Variants in PDE3A observed in about 807,000 individuals in gnomAD.
PDE3A encodes the protein cGMP-inhibited 3',5'-cyclic phosphodiesterase 3A.
In PDE3A, 43 loss-of-function variants were observed where a neutral mutation model predicts 98.3. That is an observed-to-expected ratio of 0.44 (90% CI 0.34 to 0.56). The LOEUF (loss-of-function observed/expected upper bound fraction) is 0.56. PDE3A is among the 20% of genes least tolerant of loss of function. The pLI, the probability that PDE3A is intolerant of heterozygous loss-of-function variation, is 0.01. For synonymous variants in PDE3A, 663 were observed against 567.9 expected (o/e 1.17, Z -2.38); for missense variants, 1,427 against 1,440.7 (o/e 0.99, Z 0.15).
At position 20,551,602 on chromosome 12, in the gene PDE3A, C is replaced by G. The variant is rs1472441463; in HGVS notation, c.961-5058C>G. The G allele has an allele frequency of 2.1e-5, 33 of 1,558,290 alleles. No homozygotes were observed. The Admixed American group carries it at 4.4e-4, about 21-fold the overall frequency. On this transcript the variant is annotated intron_variant, in intron 1 of 15. Transcript: ENST00000359062. ...CGCCTGCCACCTGTGCGGGGGCCGG[C>G]AGGACCCCGACAAGCAGCTCATGTG...
At chr12:20,673,728 T>A (rs1205600021) in intron 15 of PDE3A, among the ~76,000 whole-genome samples, 2 of 139,246 alleles carry the variant, frequency 1.4e-5, no homozygotes. Context: ...GGGATAGCAT[T>A]GGGAGATATA....
At chr12:20,623,674 GAAAGAATATATGATGGATA>G (rs1292755706) in intron 5 of PDE3A, among the ~76,000 whole-genome samples, 2 of 142,084 alleles carry the variant, frequency 1.4e-5, no homozygotes, top group African/African-American at 2.6e-5. Context: ...ATATATTCTA[GAAAGAATATATGATGGATA>G]TATTCTAGAA....
intron 2 of PDE3A, among the ~76,000 whole-genome samples, chr12:20,581,274 C>T (rs1400263915): frequency 1.3e-5 from 2 of 152,136 alleles, no homozygotes; most frequent in Non-Finnish European, 2.9e-5. Flanking sequence ...CTTATTGCCC[C>T]AAATTCTCAG....
intron 1 of PDE3A, among the ~76,000 whole-genome samples, chr12:20,532,845 C>T (rs1196591077): frequency 2.6e-5 from 4 of 152,142 alleles, no homozygotes; most frequent in African/African-American, 9.6e-5. Flanking sequence ...CCCGCCACTA[C>T]GCCCGGCTAA....
intron 2 of PDE3A, among the ~76,000 whole-genome samples, chr12:20,566,341 C>T (rs377390635): frequency 8.6e-5 from 13 of 151,970 alleles, no homozygotes; most frequent in African/African-American, 2.4e-4. Flanking sequence ...ATAGTTTGCT[C>T]GCTGAGTTCT....
At chr12:20,631,010 T>C (rs1944365254) in intron 6 of PDE3A, among the ~76,000 whole-genome samples, 1 of 152,158 alleles carries the variant, frequency 6.6e-6, no homozygotes, top group Non-Finnish European at 1.5e-5. Context: ...CTTTAAGAAA[T>C]AGCAACTTAT....
Position 20,370,404 on chromosome 12 carries a change from TTTTTG to T in PDE3A, c.960+165_960+169del, listed in dbSNP as rs1228708618. ...AAACTAGCAGGTTTTTTTTTTGTTT[TTTTTG>T]TTTTTTTTTTTTTGTTTTTTTGCCC... On this transcript the variant is annotated intron_variant, in intron 1 of 15. Coordinates refer to ENST00000359062, the MANE Select transcript of PDE3A (RefSeq NM_000921.5). 336 of 473,256 alleles carry T rather than the reference TTTTTG, an allele frequency of 7.1e-4. No individual in the cohort carries two copies. In the Middle Eastern group the frequency reaches 0.011, roughly 15 times the overall value. The allele number at this position is 473,256 out of a possible 1,614,324, so 29.3% of individuals were successfully genotyped here. A position where few individuals can be genotyped will look rare whatever the true frequency, so the allele number is the denominator to read the frequency against.
chr12:20,680,345 A>AGGCACAACATTTG lies in PDE3A; in HGVS notation c.*75_*76insGCACAACATTTGG, dbSNP rs1315155392. 1.4e-6 allele frequency: 2 copies of AGGCACAACATTTG among 1,470,286 alleles called. No individual in the cohort carries two copies. Among genetic ancestry groups the AGGCACAACATTTG allele is most frequent in the Non-Finnish European group, 1.9e-6 (2 of 1,071,438 alleles). 91.1% of individuals were successfully genotyped at this position (1,470,286 alleles called of 1,614,324 possible). A position where few individuals can be genotyped will look rare whatever the true frequency, so the allele number is the denominator to read the frequency against. ...CTCTCTTCAAGCCAGCACAACATTT[A>AGGCACAACATTTG]GACACAACACTGTAGAAATTTGAGA... is the stretch of plus-strand genomic sequence containing the variant. On this transcript the variant is annotated 3_prime_UTR_variant, in exon 16 of 16. Coordinates refer to ENST00000359062, the MANE Select transcript of PDE3A (RefSeq NM_000921.5).
chr12:20,635,752 C>CAAA (rs11454612), intron 8 of PDE3A, among the ~76,000 whole-genome samples: 7 of 84,034 alleles, frequency 8.3e-5, no homozygotes, highest in Admixed American at 1.4e-4. Flanking sequence ...CACTCTATCT[C>CAAA]AAAAAAAAAA....
At position 20,571,932 on chromosome 12, in the gene PDE3A, G is replaced by A. The variant is rs1193867481; in HGVS notation, c.1011+15222G>A. ...AAATGTTGAATCAATGAATGAGAGTGGGGCATAAAATGGGAAATTTGAGCA... is the reference window on the plus strand; with the variant it reads ...AAATGTTGAATCAATGAATGAGAGTAGGGCATAAAATGGGAAATTTGAGCA... On this transcript the variant is annotated intron_variant, in intron 2 of 15. Coordinates refer to ENST00000359062, the MANE Select transcript of PDE3A (RefSeq NM_000921.5). 5 of 1,066,018 alleles carry A rather than the reference G, an allele frequency of 4.7e-6. No homozygotes were observed. In the African/African-American group the frequency reaches 8.6e-5, roughly 18 times the overall value. The allele number at this position is 1,066,018 out of a possible 1,614,324, so 66.0% of individuals were successfully genotyped here.
chr12:20,378,746 A>C (rs1335375049), intron 1 of PDE3A, among the ~76,000 whole-genome samples: 1 of 151,794 alleles, frequency 6.6e-6, no homozygotes, highest in African/African-American at 2.4e-5. Context: ...TTATACTTGA[A>C]TGTAACTAGT....
rs1054475702 is a variant in PDE3A at position 20,513,172 on chromosome 12, C to T, written c.961-43488C>T. ...CATGCTATACTGAAAAATTTGGGTC[C>T]CACTGTCATAGAATCAAACCATGTT... On this transcript the variant is annotated intron_variant, in intron 1 of 15. Transcript: ENST00000359062. Among the ~76,000 whole-genome samples the T allele has an allele frequency of 1.8e-4, 28 of 152,008 alleles. No homozygotes were observed. In the South Asian group the frequency reaches 2.3e-3, roughly 12 times the overall value.
intron 7 of PDE3A, among the ~76,000 whole-genome samples, chr12:20,634,587 G>T (rs1944456040): frequency 2.6e-5 from 4 of 152,156 alleles, no homozygotes; most frequent in Admixed American, 2.0e-4. Context: ...GTGGTTTAAT[G>T]TATAGGGAGA....
chr12:20,438,306 T>A (rs1944812420), intron 1 of PDE3A, among the ~76,000 whole-genome samples: 1 of 152,182 alleles, frequency 6.6e-6, no homozygotes, highest in Admixed American at 6.5e-5. Context: ...AACCACATGG[T>A]AATTCCTCCC....
At chr12:20,372,514 A>G (rs1943494021) in intron 1 of PDE3A, among the ~76,000 whole-genome samples, 1 of 152,088 alleles carries the variant, frequency 6.6e-6, no homozygotes, top group Non-Finnish European at 1.5e-5. Flanking sequence ...ACAGTGTACT[A>G]TCTTATAAGA....
At chr12:20,537,562 G>A (rs1338537815) in intron 1 of PDE3A, among the ~76,000 whole-genome samples, 1 of 151,856 alleles carries the variant, frequency 6.6e-6, no homozygotes, top group Non-Finnish European at 1.5e-5. Context: ...CTTAATTTTA[G>A]TGTTTTCCAA....
intron 1 of PDE3A, among the ~76,000 whole-genome samples, chr12:20,457,831 T>C (rs1393516666): frequency 6.6e-6 from 1 of 152,014 alleles, no homozygotes; most frequent in Non-Finnish European, 1.5e-5. Context: ...CCTGATTAAA[T>C]TAATTAACGT....
intron 15 of PDE3A, among the ~76,000 whole-genome samples, chr12:20,658,000 CTT>C (rs368002628): frequency 3.4e-4 from 52 of 152,250 alleles, no homozygotes; most frequent in Admixed American, 1.0e-3. Context: ...CTGTAACTCT[CTT>C]GATTCAAAGG....
Position 20,613,608 on chromosome 12 carries a change from C to T in PDE3A, c.1177C>T (p.Pro393Ser), listed in dbSNP as rs745887501. The change falls in exon 3 of 16, where the codon CCC becomes TCC. Residue 393 changes from proline to serine, a missense_variant. This residue lies in a region of PDE3A where 1,012 missense variants were observed against 886.5 expected (regional missense o/e 1.14). Coordinates refer to ENST00000359062, the MANE Select transcript of PDE3A (RefSeq NM_000921.5). ...TQLTFQAIHK[P>S]RVNPVTSLSE... The stretch of plus-strand genomic sequence containing the variant: ...GCTCACCTTCCAGGCCATTCACAAG[C>T]CCAGAGTGAATCCCGTCACTTCGCT... The T allele has an allele frequency of 6.2e-7, 1 of 1,613,290 alleles. No individual in the cohort carries two copies.
Sources: allele counts gnomAD v4.1 joint callset (sites outside exome capture counted in the v4.1 genomes callset), GRCh38; gene constraint gnomAD v4.1.1; regional missense constraint gnomAD v4.1.1; transcripts MANE v1.5; gene names NCBI Gene and HGNC (gene_info 2026-07-23, HGNC 2026-07-21).